SHISA9: variants seen among roughly 807,000 people sequenced by gnomAD.
SHISA9 encodes the protein protein shisa-9.
Under a neutral mutation model 38.0 loss-of-function variants are expected in SHISA9, and 13 were observed. The observed-to-expected ratio is 0.34, with a 90% confidence interval of 0.22 to 0.54. The LOEUF (loss-of-function observed/expected upper bound fraction) is 0.54. Ranked by LOEUF, SHISA9 falls within the 20% of genes least tolerant of loss-of-function variation. SHISA9 has a pLI of 0.91. For missense variants in SHISA9, 538 were observed against 575.8 expected (o/e 0.93, Z 0.67); for synonymous variants, 275 against 242.0 (o/e 1.14, Z -1.27).
At chr16:13,489,250 ATGTT>A in the SHISA9 span, among the ~76,000 whole-genome samples, 2 of 151,970 alleles carry the variant, frequency 1.3e-5, no homozygotes, top group African/African-American at 4.8e-5. Flanking sequence ...GGGTCTCACC[ATGTT>A]GGCCAGCCTG....
At chr16:13,275,978 G>A in the SHISA9 span, among the ~76,000 whole-genome samples, 22 of 151,880 alleles carry the variant, frequency 1.4e-4, no homozygotes, top group African/African-American at 5.1e-4. Flanking sequence ...TTGGTTACGT[G>A]AGTAAGTTCT....
At chr16:13,469,328 A>G in the SHISA9 span, among the ~76,000 whole-genome samples, 83 of 104,220 alleles carry the variant, frequency 8.0e-4, no homozygotes, top group African/African-American at 2.5e-3. Flanking sequence ...GAGAGAAAGA[A>G]AGAAAGAAAG....
At chr16:13,020,195 T>C (rs2072835037) in intron 2 of SHISA9, among the ~76,000 whole-genome samples, 1 of 151,146 alleles carries the variant, frequency 6.6e-6, no homozygotes, top group Non-Finnish European at 1.5e-5. Flanking sequence ...CCTGGCTAAT[T>C]TTGTATTTTT....
At chr16:13,375,064 G>T in the SHISA9 span, among the ~76,000 whole-genome samples, 1 of 152,282 alleles carries the variant, frequency 6.6e-6, no homozygotes, top group South Asian at 2.1e-4. Context: ...GTAGATTCTG[G>T]ATATTAGCCC....
the SHISA9 span, among the ~76,000 whole-genome samples, chr16:13,347,529 C>T: frequency 9.1e-4 from 138 of 152,192 alleles, 2 homozygotes; most frequent in Non-Finnish European, 1.4e-3. Flanking sequence ...TTGTTTAGAG[C>T]GGGTGCAAAA....
chr16:13,111,634 A>G (rs2073979315), intron 2 of SHISA9, among the ~76,000 whole-genome samples: 1 of 152,204 alleles, frequency 6.6e-6, no homozygotes, highest in African/African-American at 2.4e-5. Context: ...TTTATTTTTT[A>G]TTATTAAGAT....
At chr16:13,166,518 C>T (rs960797406) in intron 2 of SHISA9, among the ~76,000 whole-genome samples, 13 of 152,336 alleles carry the variant, frequency 8.5e-5, no homozygotes, top group Middle Eastern at 3.4e-3. Flanking sequence ...CCTCTGCACC[C>T]TCTCTCCCTT....
the SHISA9 span, among the ~76,000 whole-genome samples, chr16:13,306,414 T>C: frequency 2.6e-5 from 4 of 152,186 alleles, no homozygotes; most frequent in East Asian, 5.8e-4. Context: ...GTTCTTTAGC[T>C]TTCTTTGATC....
chr16:13,309,686 C>T, the SHISA9 span, among the ~76,000 whole-genome samples: 1 of 146,228 alleles, frequency 6.8e-6, no homozygotes, highest in South Asian at 2.2e-4. Flanking sequence ...AAATAGTTAA[C>T]ATGCCAGAGG....
chr16:13,275,992 G>A, the SHISA9 span, among the ~76,000 whole-genome samples: 7 of 151,836 alleles, frequency 4.6e-5, no homozygotes, highest in East Asian at 1.4e-3. Context: ...AAGTTCTTTA[G>A]TGGTGATTTG....
intron 2 of SHISA9, among the ~76,000 whole-genome samples, chr16:13,126,470 G>A (rs12149102): frequency 0.62 from 93,187 of 149,726 alleles, 29,970 homozygotes; most frequent in Non-Finnish European, 0.7. Context: ...GAGGGATGGA[G>A]AGGGAAGGAA....
the SHISA9 span, among the ~76,000 whole-genome samples, chr16:13,333,982 A>G: frequency 2.0e-5 from 3 of 152,240 alleles, no homozygotes; most frequent in African/African-American, 7.2e-5. Context: ...AAGGATCAAC[A>G]TTTTAATTGT....
intron 2 of SHISA9, among the ~76,000 whole-genome samples, chr16:13,084,663 G>A (rs965391909): frequency 5.3e-5 from 8 of 152,196 alleles, no homozygotes; most frequent in Admixed American, 5.2e-4. Flanking sequence ...TACGTGCTAT[G>A]AAGAGGTTCG....
intron 4 of SHISA9, among the ~76,000 whole-genome samples, chr16:13,221,114 C>G (rs1282574482): frequency 6.6e-6 from 1 of 152,200 alleles, no homozygotes. Context: ...TCCTGGACGC[C>G]TTTTTCCGGT....
At chr16:13,121,820 C>T (rs905235961) in intron 2 of SHISA9, among the ~76,000 whole-genome samples, 5 of 132,332 alleles carry the variant, frequency 3.8e-5, no homozygotes, top group East Asian at 2.2e-4. Context: ...ACATTAAACA[C>T]CTATACACAC....
the SHISA9 span, among the ~76,000 whole-genome samples, chr16:13,534,000 A>G: frequency 0.82 from 125,176 of 151,926 alleles, 51,778 homozygotes; most frequent in East Asian, 0.99. Context: ...AGCCAGGCTG[A>G]TCTCCATCTC....
chr16:13,398,946 G>A, the SHISA9 span, among the ~76,000 whole-genome samples: 5 of 152,180 alleles, frequency 3.3e-5, no homozygotes, highest in Non-Finnish European at 7.3e-5. Context: ...TTGAGTGCCA[G>A]TTATACGCAT....
the SHISA9 span, among the ~76,000 whole-genome samples, chr16:13,334,430 G>A: frequency 6.6e-6 from 1 of 152,138 alleles, no homozygotes. Flanking sequence ...CTTCTCCTCT[G>A]TAGAATTGGG....
chr16:13,425,218 G>A, the SHISA9 span, among the ~76,000 whole-genome samples: 41 of 152,116 alleles, frequency 2.7e-4, no homozygotes, highest in African/African-American at 7.2e-5. Flanking sequence ...GAGGGGCTGC[G>A]TGCGGTGGCT....
Sources: allele counts gnomAD v4.1 joint callset (sites outside exome capture counted in the v4.1 genomes callset), GRCh38; gene constraint gnomAD v4.1.1; transcripts MANE v1.5; gene names NCBI Gene and HGNC (gene_info 2026-07-23, HGNC 2026-07-21).